The following ROBO1 variants were observed in gnomAD, a reference collection of about 807,000 sequenced individuals.
ROBO1 encodes roundabout homolog 1.
In ROBO1, 149 loss-of-function variants were observed where a neutral mutation model predicts 195.9. That is an observed-to-expected ratio of 0.76 (90% CI 0.67 to 0.87). The LOEUF (loss-of-function observed/expected upper bound fraction) is 0.87. Ranked by LOEUF, ROBO1 falls within the 40% of genes least tolerant of loss-of-function variation. The pLI is 0.00. For synonymous variants in ROBO1, 816 were observed against 733.2 expected (o/e 1.11, Z -1.82); for missense variants, 1,933 against 2,068.3 (o/e 0.93, Z 1.27).
intron 1 of ROBO1, among the ~76,000 whole-genome samples, chr3:79,675,725 C>A (rs143715606): frequency 1.4e-4 from 21 of 152,110 alleles, no homozygotes; most frequent in African/African-American, 4.8e-4. Context: ...ACTGTAGTCA[C>A]AAGTGACAGA....
At chr3:79,225,335 ACT>A (rs2082208120) in intron 2 of ROBO1, among the ~76,000 whole-genome samples, 1 of 152,088 alleles carries the variant, frequency 6.6e-6, no homozygotes, top group Non-Finnish European at 1.5e-5. Context: ...TACTTAGATG[ACT>A]CTAAAAGGAT....
intron 1 of ROBO1, among the ~76,000 whole-genome samples, chr3:79,754,741 A>G (rs919472042): frequency 6.6e-6 from 1 of 152,186 alleles, no homozygotes; most frequent in Non-Finnish European, 1.5e-5. Context: ...GGAATTAGCA[A>G]CTAAGGCAAA....
chr3:78,685,198 C>T (rs147889566), intron 10 of ROBO1, among the ~76,000 whole-genome samples: 74 of 151,850 alleles, frequency 4.9e-4, no homozygotes, highest in African/African-American at 1.6e-3. Context: ...CTTTTTCTTT[C>T]ATCTTCTTCT....
At chr3:79,354,756 G>T (rs1266497265) in intron 2 of ROBO1, among the ~76,000 whole-genome samples, 1 of 152,068 alleles carries the variant, frequency 6.6e-6, no homozygotes, top group East Asian at 1.9e-4. Context: ...CAACAGAGTG[G>T]AATTACTAAA....
intron 1 of ROBO1, among the ~76,000 whole-genome samples, chr3:79,633,344 T>G (rs1945400413): frequency 7.6e-6 from 1 of 132,086 alleles, no homozygotes; most frequent in African/African-American, 2.9e-5. Flanking sequence ...CAGCTAATTT[T>G]TTGCATTTCT....
At chr3:79,406,039 C>T (rs535181696) in intron 2 of ROBO1, among the ~76,000 whole-genome samples, 10 of 151,930 alleles carry the variant, frequency 6.6e-5, no homozygotes, top group Non-Finnish European at 1.2e-4. Flanking sequence ...AAATTTATTT[C>T]AAATTATTTC....
At chr3:78,806,358 C>T (rs921641701) in intron 4 of ROBO1, among the ~76,000 whole-genome samples, 1 of 152,076 alleles carries the variant, frequency 6.6e-6, no homozygotes, top group Admixed American at 6.6e-5. Context: ...GTACCAGTGT[C>T]AGTGAAGGTT....
intron 2 of ROBO1, among the ~76,000 whole-genome samples, chr3:79,264,438 C>T (rs1346039020): frequency 2.0e-5 from 3 of 151,756 alleles, no homozygotes; most frequent in African/African-American, 7.3e-5. Context: ...TTTAACTTTG[C>T]TTTGTCTCTC....
At chr3:79,055,846 C>T (rs1205886208) in intron 3 of ROBO1, among the ~76,000 whole-genome samples, 3 of 152,074 alleles carry the variant, frequency 2.0e-5, no homozygotes, top group African/African-American at 7.2e-5. Context: ...AAATCTGACA[C>T]ACCCATTTGG....
At chr3:79,516,579 GATAT>G (rs1255488980) in intron 2 of ROBO1, among the ~76,000 whole-genome samples, 1 of 151,834 alleles carries the variant, frequency 6.6e-6, no homozygotes, top group Non-Finnish European at 1.5e-5. Flanking sequence ...AACAAACATG[GATAT>G]ATATTCTGAT....
intron 1 of ROBO1, among the ~76,000 whole-genome samples, chr3:79,762,483 G>C (rs1369285329): frequency 6.6e-6 from 1 of 152,144 alleles, no homozygotes; most frequent in Non-Finnish European, 1.5e-5. Context: ...ATCAGAAAGG[G>C]AGGAATACTT....
chr3:78,922,403 G>A (rs2038985432), intron 4 of ROBO1, among the ~76,000 whole-genome samples: 1 of 151,974 alleles, frequency 6.6e-6, no homozygotes, highest in South Asian at 2.1e-4. Context: ...AGGCTAAAAG[G>A]CTAGAAACAT....
At chr3:78,685,705 T>A in intron 10 of ROBO1, 41 bp downstream of exon 10, 1 of 1,469,370 alleles carries the variant, frequency 6.8e-7, no homozygotes, top group Non-Finnish European at 9.3e-7. Flanking sequence ...GGATCCTAAG[T>A]CAAACTTGGA....
chr3:78,599,670 G>C lies in ROBO1; in HGVS notation c.4941+443C>G, dbSNP rs1482893204. Among the ~76,000 whole-genome samples, 3 of 152,250 alleles carry C rather than the reference G, an allele frequency of 2.0e-5. No individual in the cohort carries two copies. In the East Asian group the frequency reaches 5.8e-4, roughly 30 times the overall value. ...GTCACAGACTAGGCATACACTTTCA[G>C]AAGTGTAAAGGTGAAGGACAGTTAG... On this transcript the variant is annotated intron_variant, in intron 30 of 30. Transcript: ENST00000464233.
chr3:78,624,252 C>T (rs1704623537), intron 26 of ROBO1, among the ~76,000 whole-genome samples: 1 of 152,076 alleles, frequency 6.6e-6, no homozygotes, highest in African/African-American at 2.4e-5. Context: ...TTACATAGAT[C>T]ACTGGGACTT....
At chr3:79,324,047 T>C (rs2034101500) in intron 2 of ROBO1, among the ~76,000 whole-genome samples, 1 of 152,064 alleles carries the variant, frequency 6.6e-6, no homozygotes, top group Admixed American at 6.6e-5. Flanking sequence ...ACAGTTGCTG[T>C]CTAAATAATC....
At chr3:79,302,712 G>A (rs999275716) in intron 2 of ROBO1, among the ~76,000 whole-genome samples, 1 of 151,876 alleles carries the variant, frequency 6.6e-6, no homozygotes, top group Admixed American at 6.6e-5. Flanking sequence ...TAATTTGTAC[G>A]TACAACATTG....
At chr3:79,307,066 A>T (rs1298960860) in intron 2 of ROBO1, among the ~76,000 whole-genome samples, 1 of 152,048 alleles carries the variant, frequency 6.6e-6, no homozygotes, top group South Asian at 2.1e-4. Flanking sequence ...TCTTCAGGAA[A>T]AGAAGGGAGG....
At chr3:78,958,424 G>C (rs1218939128) in intron 3 of ROBO1, among the ~76,000 whole-genome samples, 2 of 152,074 alleles carry the variant, frequency 1.3e-5, no homozygotes, top group East Asian at 3.9e-4. Context: ...TTATCCATTA[G>C]GCTAACATTT....
Sources: allele counts gnomAD v4.1 joint callset (sites outside exome capture counted in the v4.1 genomes callset), GRCh38; gene constraint gnomAD v4.1.1; transcripts MANE v1.5; gene names NCBI Gene and HGNC (gene_info 2026-07-23, HGNC 2026-07-21).